The following RBFOX1 variants were observed in gnomAD, a reference collection of about 807,000 sequenced individuals.
RBFOX1 encodes the protein RNA binding protein fox-1 homolog 1.
RBFOX1 carries 8 observed loss-of-function variants against 57.7 expected under a neutral mutation model. That is an observed-to-expected ratio of 0.14 (90% confidence interval 0.08 to 0.25). The LOEUF is 0.25. Among genes scored for constraint, RBFOX1 ranks in the 10% least tolerant of loss-of-function variants. The pLI, the probability that RBFOX1 is intolerant of heterozygous loss-of-function variation, is 1.00. For missense variants in RBFOX1, 611 were observed against 548.5 expected (o/e 1.11, Z -1.14); for synonymous variants, 326 against 222.4 (o/e 1.47, Z -4.15).
chr16:6,836,310 G>A (rs2093090949), intron 3 of RBFOX1, among the ~76,000 whole-genome samples: 1 of 152,026 alleles, frequency 6.6e-6, no homozygotes, highest in Non-Finnish European at 1.5e-5. Context: ...TCAGCTCTGT[G>A]GTTGAATTAC....
intron 1 of RBFOX1, among the ~76,000 whole-genome samples, chr16:6,201,933 G>C (rs890176559): frequency 6.6e-6 from 1 of 152,150 alleles, no homozygotes; most frequent in Admixed American, 6.6e-5. Context: ...ATGAGATGGG[G>C]CATAAATATT....
chr16:7,020,924 C>T (rs2038825285), intron 3 of RBFOX1, among the ~76,000 whole-genome samples: 1 of 152,254 alleles, frequency 6.6e-6, no homozygotes, highest in African/African-American at 2.4e-5. Flanking sequence ...GCCAGGAGTT[C>T]TAGACCAGCA....
chr16:5,626,485 C>G (rs949074817), intron 3 of RBFOX1, among the ~76,000 whole-genome samples: 4 of 152,190 alleles, frequency 2.6e-5, no homozygotes, highest in African/African-American at 9.7e-5. Context: ...CAGTCACATT[C>G]TGAGCTCCTG....
At chr16:7,415,781 T>C (rs1462729656) in intron 4 of RBFOX1, among the ~76,000 whole-genome samples, 2 of 113,966 alleles carry the variant, frequency 1.8e-5, no homozygotes, top group East Asian at 6.3e-4. Flanking sequence ...TGGAAGAAAA[T>C]AAGAGTATAT....
chr16:6,618,377 C>T (rs867013114), intron 2 of RBFOX1, among the ~76,000 whole-genome samples: 23 of 152,234 alleles, frequency 1.5e-4, no homozygotes, highest in South Asian at 4.1e-4. Flanking sequence ...TGCCAAATAA[C>T]CATAAAAGGT....
At chr16:7,049,487 A>G (rs1026952858) in intron 3 of RBFOX1, among the ~76,000 whole-genome samples, 3 of 151,842 alleles carry the variant, frequency 2.0e-5, no homozygotes, top group Non-Finnish European at 4.4e-5. Flanking sequence ...AACAATGGGG[A>G]TTTTCCCTAT....
intron 1 of RBFOX1, among the ~76,000 whole-genome samples, chr16:5,370,483 T>A (rs1308943906): frequency 6.6e-6 from 1 of 151,812 alleles, no homozygotes; most frequent in East Asian, 1.9e-4. Context: ...TTTTGGCTTT[T>A]TACAAAATTA....
At chr16:6,161,184 T>G (rs1383942393) in intron 1 of RBFOX1, among the ~76,000 whole-genome samples, 1 of 151,678 alleles carries the variant, frequency 6.6e-6, no homozygotes. Flanking sequence ...AGGTCAGGAG[T>G]TGGAGACCAG....
intron 1 of RBFOX1, among the ~76,000 whole-genome samples, chr16:5,274,631 GC>G (rs2063097661): frequency 6.6e-6 from 1 of 152,312 alleles, no homozygotes; most frequent in African/African-American, 2.4e-5. Context: ...AGAAGAGTTG[GC>G]TTTATTGGCA....
At chr16:5,489,814 G>A (rs1168287170) in intron 2 of RBFOX1, among the ~76,000 whole-genome samples, 1 of 152,182 alleles carries the variant, frequency 6.6e-6, no homozygotes, top group East Asian at 1.9e-4. Flanking sequence ...TATAGTGCCA[G>A]GGCTAGGATG....
At chr16:6,801,716 G>A (rs145722079) in intron 3 of RBFOX1, among the ~76,000 whole-genome samples, 6 of 152,220 alleles carry the variant, frequency 3.9e-5, no homozygotes, top group African/African-American at 1.4e-4. Context: ...CAGATGAACT[G>A]GGGAGGAAGA....
At chr16:7,015,903 C>T (rs185513506) in intron 3 of RBFOX1, among the ~76,000 whole-genome samples, 29 of 152,050 alleles carry the variant, frequency 1.9e-4, no homozygotes, top group Non-Finnish European at 3.2e-4. Flanking sequence ...CAACGTGTTT[C>T]AGGGAAATCT....
chr16:5,468,727 A>G (rs550581559), intron 2 of RBFOX1, among the ~76,000 whole-genome samples: 2 of 152,336 alleles, frequency 1.3e-5, no homozygotes, highest in African/African-American at 2.4e-5. Flanking sequence ...GCAGAAATCC[A>G]TTCTACAACT....
At chr16:5,864,173 T>C (rs1168738405) in intron 3 of RBFOX1, among the ~76,000 whole-genome samples, 1 of 152,206 alleles carries the variant, frequency 6.6e-6, no homozygotes, top group Non-Finnish European at 1.5e-5. Flanking sequence ...TCTGTTGCTG[T>C]GTTAGTTTGC....
At chr16:6,063,163 C>G (rs1381228597) in intron 1 of RBFOX1, among the ~76,000 whole-genome samples, 1 of 152,086 alleles carries the variant, frequency 6.6e-6, no homozygotes, top group Non-Finnish European at 1.5e-5. Flanking sequence ...CGCTGACCAT[C>G]CCAGCATCCT....
chr16:5,298,007 C>G (rs1240611377), intron 1 of RBFOX1, among the ~76,000 whole-genome samples: 1 of 148,968 alleles, frequency 6.7e-6, no homozygotes, highest in Non-Finnish European at 1.5e-5. Context: ...GAATTGAACA[C>G]AATGTTATTT....
intron 4 of RBFOX1, among the ~76,000 whole-genome samples, chr16:7,223,282 C>A (rs2092864304): frequency 6.6e-6 from 1 of 152,090 alleles, no homozygotes; most frequent in African/African-American, 2.4e-5. Context: ...CAGGTGAAAC[C>A]CTGGGTGTCT....
intron 4 of RBFOX1, among the ~76,000 whole-genome samples, chr16:5,876,849 A>G (rs778837475): frequency 2.0e-5 from 3 of 152,214 alleles, no homozygotes; most frequent in Admixed American, 6.5e-5. Flanking sequence ...CATAATTCCA[A>G]GGATTCACCA....
At chr16:6,101,860 A>C (rs1006110500) in intron 1 of RBFOX1, among the ~76,000 whole-genome samples, 3 of 152,152 alleles carry the variant, frequency 2.0e-5, no homozygotes, top group Admixed American at 2.0e-4. Flanking sequence ...GGGCAGCTGT[A>C]GTGGGAATCT....
Sources: allele counts gnomAD v4.1 joint callset (sites outside exome capture counted in the v4.1 genomes callset), GRCh38; gene constraint gnomAD v4.1.1; transcripts MANE v1.5; gene names NCBI Gene and HGNC (gene_info 2026-07-23, HGNC 2026-07-21).